The following CCDC7 variants were observed in gnomAD, a reference collection of about 807,000 sequenced individuals.
CCDC7 encodes the protein coiled-coil domain-containing protein 7.
CCDC7 carries 183 observed loss-of-function variants against 196.9 expected under a neutral mutation model. The ratio of observed to expected loss-of-function variants is 0.93; its 90% CI spans 0.82 to 1.05. The LOEUF (loss-of-function observed/expected upper bound fraction) is 1.05, where lower values mean the gene tolerates loss of function less well. Among genes scored for constraint, CCDC7 ranks in the 50% least tolerant of loss-of-function variants. The probability of loss-of-function intolerance (pLI) is 0.00; values close to 1 mark genes in which losing one functional copy is unlikely to be tolerated. For synonymous variants in CCDC7, 525 were observed against 484.6 expected, an observed-to-expected ratio of 1.08 and a Z score of -1.10; for missense variants, 1,540 against 1,482.2, an observed-to-expected ratio of 1.04 and a Z score of -0.64.
intron 33 of CCDC7, among the ~76,000 whole-genome samples, chr10:32,836,909 A>G (rs901911025): frequency 1.7e-4 from 26 of 152,262 alleles, no homozygotes; most frequent in Admixed American, 4.6e-4. Flanking sequence ...CTTACACCTT[A>G]TACAAAAATT....
intron 13 of CCDC7, among the ~76,000 whole-genome samples, chr10:32,562,115 T>C (rs1355085241): frequency 3.3e-5 from 5 of 152,104 alleles, no homozygotes. Context: ...AAGTTGAATC[T>C]CTGAATAGAC....
intron 16 of CCDC7, among the ~76,000 whole-genome samples, chr10:32,581,960 T>C (rs1478072983): frequency 6.6e-6 from 1 of 151,800 alleles, no homozygotes; most frequent in East Asian, 1.9e-4. Flanking sequence ...ATAGAACTAA[T>C]AAATCAGGTT....
intron 13 of CCDC7, among the ~76,000 whole-genome samples, chr10:32,563,557 C>T (rs953029388): frequency 1.1e-4 from 17 of 152,134 alleles, no homozygotes; most frequent in Non-Finnish European, 2.2e-4. Flanking sequence ...GGAAAGGATT[C>T]CCTATTTAAT....
chr10:32,796,463 A>T (rs1171309185), intron 29 of CCDC7, among the ~76,000 whole-genome samples: 1 of 152,166 alleles, frequency 6.6e-6, no homozygotes, highest in Non-Finnish European at 1.5e-5. Context: ...GCAAAGGATA[A>T]TGGCATATCT....
intron 32 of CCDC7, among the ~76,000 whole-genome samples, chr10:32,829,638 C>T (rs1390337269): frequency 6.6e-6 from 1 of 152,020 alleles, no homozygotes; most frequent in Non-Finnish European, 1.5e-5. Flanking sequence ...TTATTATTGC[C>T]TTTATTTGAA....
intron 40 of CCDC7, among the ~76,000 whole-genome samples, chr10:32,852,396 A>T (rs1387828968): frequency 3.3e-5 from 5 of 152,194 alleles, no homozygotes; most frequent in Non-Finnish European, 5.9e-5. Flanking sequence ...ATATCTAAGA[A>T]CTAAGATTCG....
chr10:32,842,533 G>A (rs1033337299), intron 33 of CCDC7, among the ~76,000 whole-genome samples: 4 of 151,934 alleles, frequency 2.6e-5, no homozygotes, highest in African/African-American at 9.7e-5. Flanking sequence ...AAAACAGTGT[G>A]GAAAGTCCTT....
chr10:32,706,497 CA>C (rs1050963009), intron 24 of CCDC7, among the ~76,000 whole-genome samples: 1 of 151,922 alleles, frequency 6.6e-6, no homozygotes, highest in Non-Finnish European at 1.5e-5. Context: ...GATAGAGACA[CA>C]AAAAACCCTT....
intron 11 of CCDC7, among the ~76,000 whole-genome samples, chr10:32,519,239 C>A (rs1564531060): frequency 6.6e-6 from 1 of 152,024 alleles, no homozygotes; most frequent in South Asian, 2.1e-4. Context: ...AGGAATAGAA[C>A]ATTGGTACAA....
chr10:32,663,983 G>A (rs1305359474), intron 20 of CCDC7, 71 bp from the exon 22 acceptor site: 1 of 385,334 alleles, frequency 2.6e-6, no homozygotes, highest in Non-Finnish European at 4.6e-6. Context: ...CTGTATACTT[G>A]TTATAAATCT....
intron 11 of CCDC7, among the ~76,000 whole-genome samples, chr10:32,524,103 C>G (rs1338274939): frequency 7.4e-6 from 1 of 135,516 alleles, no homozygotes; most frequent in Non-Finnish European, 1.6e-5. Flanking sequence ...GTGACTTTGT[C>G]TGGTGGTTTG....
At chr10:32,556,975 A>G (rs972070793) in intron 13 of CCDC7, among the ~76,000 whole-genome samples, 2 of 152,138 alleles carry the variant, frequency 1.3e-5, no homozygotes, top group African/African-American at 4.8e-5. Flanking sequence ...TCAGCAGCTC[A>G]TTGGTCATGT....
chr10:32,660,255 C>A (rs111499558), intron 20 of CCDC7, among the ~76,000 whole-genome samples: 7,071 of 143,280 alleles, frequency 0.049, 593 homozygotes, highest in African/African-American at 0.18. Flanking sequence ...AGGTATATCT[C>A]CCAATGCTAT....
At chr10:32,852,401 G>T (rs190557294) in intron 40 of CCDC7, among the ~76,000 whole-genome samples, 1 of 152,168 alleles carries the variant, frequency 6.6e-6, no homozygotes, top group East Asian at 1.9e-4. Context: ...TAAGAACTAA[G>T]ATTCGATTCT....
intron 25 of CCDC7, among the ~76,000 whole-genome samples, chr10:32,712,126 C>T (rs2080939830): frequency 6.6e-5 from 10 of 152,102 alleles, no homozygotes; most frequent in Admixed American, 6.6e-4. Context: ...GGTACAAGGG[C>T]AGCCAGGGTG....
chr10:32,509,846 A>G (rs1248687529), intron 9 of CCDC7, among the ~76,000 whole-genome samples: 1 of 152,216 alleles, frequency 6.6e-6, no homozygotes, highest in Non-Finnish European at 1.5e-5. Context: ...ATAATACATC[A>G]TACTTGTTAG....
chr10:32,635,110 C>T lies in CCDC7; in HGVS notation c.1966C>T (p.Gln656Ter). ...GGACATGGTTTTAGTTTCAAGAATC[C>T]AATCTGAAACTAAAAATCTTAAAGC... Residue 656 changes from glutamine to a stop codon, truncating the protein, a stop_gained, in exon 20 of 42, where the codon CAA becomes TAA. Transcript: ENST00000639629. LOFTEE classifies it high-confidence loss of function. 1 of 398,706 alleles carries T rather than the reference C, an allele frequency of 2.5e-6. No individual in the cohort carries two copies. Among genetic ancestry groups the T allele is most frequent in the Non-Finnish European group, 4.4e-6 (1 of 225,924 alleles). The allele number at this position is 398,706 out of a possible 1,614,324, so 24.7% of individuals were successfully genotyped here.
intron 31 of CCDC7, among the ~76,000 whole-genome samples, chr10:32,818,635 T>A (rs1312328972): frequency 6.6e-6 from 1 of 152,184 alleles, no homozygotes; most frequent in East Asian, 1.9e-4. Flanking sequence ...TATAACAAAC[T>A]GTCTCTCAGA....
At chr10:32,587,157 T>C (rs2059364523) in intron 18 of CCDC7, among the ~76,000 whole-genome samples, 1 of 152,184 alleles carries the variant, frequency 6.6e-6, no homozygotes, top group Admixed American at 6.5e-5. Context: ...CACTAACATC[T>C]ATTTCCACAA....
Sources: gnomAD v4.1 joint callset for allele counts (sites outside exome capture counted in the v4.1 genomes callset) on GRCh38, gnomAD v4.1.1 for gene constraint, MANE v1.5 for transcripts, NCBI Gene and HGNC (gene_info 2026-07-23, HGNC 2026-07-21) for gene names.